Variants in LSAMP observed in about 807,000 individuals in gnomAD.
LSAMP encodes the protein limbic system associated membrane protein.
LSAMP carries 7 observed loss-of-function variants against 38.6 expected under a neutral mutation model. The ratio of observed to expected loss-of-function variants is 0.18; its 90% CI spans 0.10 to 0.34. The LOEUF (loss-of-function observed/expected upper bound fraction) is 0.34. Ranked by LOEUF, LSAMP falls within the 10% of genes least tolerant of loss-of-function variation. LSAMP has a pLI of 1.00. For missense variants in LSAMP, 313 were observed against 420.0 expected (o/e 0.75, Z 2.23); for synonymous variants, 154 against 166.8 (o/e 0.92, Z 0.59).
At chr3:116,414,953 T>A (rs571070557) in intron 1 of LSAMP, among the ~76,000 whole-genome samples, 1 of 152,194 alleles carries the variant, frequency 6.6e-6, no homozygotes, top group South Asian at 2.1e-4. Flanking sequence ...GCATGCTCCC[T>A]TAGTTTCTCC....
At chr3:116,239,122 G>C (rs2046499804) in intron 1 of LSAMP, among the ~76,000 whole-genome samples, 1 of 152,188 alleles carries the variant, frequency 6.6e-6, no homozygotes, top group South Asian at 2.1e-4. Context: ...CTAGAATAAA[G>C]AGAATCTGTT....
chr3:115,897,019 C>G (rs943879939), intron 3 of LSAMP, among the ~76,000 whole-genome samples: 2 of 152,008 alleles, frequency 1.3e-5, no homozygotes, highest in Admixed American at 1.3e-4. Flanking sequence ...AAATGCAGTC[C>G]TAGACATTTA....
chr3:116,235,018 T>C (rs1332894438), intron 1 of LSAMP, among the ~76,000 whole-genome samples: 1 of 104,180 alleles, frequency 9.6e-6, no homozygotes, highest in Non-Finnish European at 2.3e-5. Flanking sequence ...TTATGTAGCA[T>C]TATATTTCCA....
intron 1 of LSAMP, among the ~76,000 whole-genome samples, chr3:116,161,226 G>T (rs1222145225): frequency 6.6e-6 from 1 of 152,190 alleles, no homozygotes; most frequent in Admixed American, 6.5e-5. Flanking sequence ...GAGGAAGCAA[G>T]AGAAGCTATA....
At chr3:116,358,616 C>T (rs2048257821) in intron 1 of LSAMP, among the ~76,000 whole-genome samples, 1 of 152,032 alleles carries the variant, frequency 6.6e-6, no homozygotes, top group Admixed American at 6.6e-5. Context: ...ATAATAAAAT[C>T]CACCGATCGA....
At chr3:115,932,499 A>T (rs1937595990) in intron 3 of LSAMP, among the ~76,000 whole-genome samples, 1 of 152,258 alleles carries the variant, frequency 6.6e-6, no homozygotes, top group Admixed American at 6.5e-5. Flanking sequence ...GGGATAGGAT[A>T]GCAAGGTGGA....
At chr3:116,210,941 C>A (rs1196802726) in intron 1 of LSAMP, among the ~76,000 whole-genome samples, 5 of 151,564 alleles carry the variant, frequency 3.3e-5, no homozygotes, top group Admixed American at 3.3e-4. Flanking sequence ...CTATGTCTAT[C>A]AACAGATGAA....
chr3:116,283,213 A>G (rs2047149981), intron 1 of LSAMP, among the ~76,000 whole-genome samples: 1 of 129,860 alleles, frequency 7.7e-6, no homozygotes, highest in Non-Finnish European at 1.6e-5. Flanking sequence ...AATTTCAGAA[A>G]AAAAAGAAGA....
At chr3:116,399,449 G>C (rs768946802) in intron 1 of LSAMP, among the ~76,000 whole-genome samples, 2 of 152,134 alleles carry the variant, frequency 1.3e-5, no homozygotes, top group African/African-American at 2.4e-5. Flanking sequence ...TTAAGGAAGA[G>C]AGATGTTAAG....
intron 1 of LSAMP, among the ~76,000 whole-genome samples, chr3:116,142,801 C>T (rs996877647): frequency 1.1e-4 from 16 of 151,722 alleles, no homozygotes; most frequent in Non-Finnish European, 1.8e-4. Flanking sequence ...ACAACAAATT[C>T]GGGTGCTACT....
chr3:116,061,434 A>G (rs1941592882), intron 2 of LSAMP, among the ~76,000 whole-genome samples: 1 of 103,950 alleles, frequency 9.6e-6, no homozygotes, highest in African/African-American at 5.0e-5. Context: ...ATGCATGGGC[A>G]TGGTGATACA....
chr3:115,803,564 A>G lies in LSAMP; in HGVS notation c.*6753T>C, dbSNP rs1306992343. On this transcript the variant is annotated 3_prime_UTR_variant, in exon 7 of 7. Coordinates refer to ENST00000490035, the MANE Select transcript of LSAMP (RefSeq NM_002338.5). ...TTCACATTTGATTTTGGCCTTCACA[A>G]CAATTCATACTGTCTTCAACTCTGT... 4 of 152,166 alleles carry G rather than the reference A, an allele frequency of 2.6e-5. No homozygotes were observed. Among genetic ancestry groups the G allele is most frequent in the Non-Finnish European group, 4.4e-5 (3 of 68,032 alleles). The allele number at this position is 152,166 out of a possible 1,614,324, so 9.4% of individuals were successfully genotyped here. A position where few individuals can be genotyped will look rare whatever the true frequency, so the allele number is the denominator to read the frequency against.
At chr3:116,308,317 T>A (rs2047511682) in intron 1 of LSAMP, among the ~76,000 whole-genome samples, 1 of 152,028 alleles carries the variant, frequency 6.6e-6, no homozygotes, top group Non-Finnish European at 1.5e-5. Flanking sequence ...CCATAAGATA[T>A]GAATCAACAT....
chr3:115,927,008 T>C (rs1384868326), intron 3 of LSAMP, among the ~76,000 whole-genome samples: 3 of 152,206 alleles, frequency 2.0e-5, no homozygotes, highest in Non-Finnish European at 4.4e-5. Flanking sequence ...TGAAAAATAA[T>C]AAATGCTTAA....
chr3:115,928,969 G>GTTTTTTTTT (rs1033194537), intron 3 of LSAMP, among the ~76,000 whole-genome samples: 7 of 53,564 alleles, frequency 1.3e-4, no homozygotes, highest in African/African-American at 2.3e-4. Context: ...CAGGTTTTTT[G>GTTTTTTTTT]TTTGTTTTTT....
chr3:115,942,927 T>C (rs76644260), intron 3 of LSAMP, among the ~76,000 whole-genome samples: 2,978 of 152,254 alleles, frequency 0.02, 97 homozygotes, highest in African/African-American at 0.067. Context: ...ATCAGATCAA[T>C]TTTATAATGT....
chr3:116,135,528 AGAT>A (rs1240471126), intron 1 of LSAMP, among the ~76,000 whole-genome samples: 3 of 152,196 alleles, frequency 2.0e-5, no homozygotes, highest in Non-Finnish European at 2.9e-5. Flanking sequence ...GCCAAGTCAC[AGAT>A]GACAGAAACC....
chr3:115,848,752 A>T (rs973460507), intron 4 of LSAMP, among the ~76,000 whole-genome samples: 5 of 152,204 alleles, frequency 3.3e-5, no homozygotes, highest in African/African-American at 9.6e-5. Flanking sequence ...GTGAGAAGTG[A>T]CAATGTGAAC....
intron 6 of LSAMP, among the ~76,000 whole-genome samples, chr3:115,814,795 A>C (rs1303784985): frequency 6.6e-6 from 1 of 152,232 alleles, no homozygotes; most frequent in East Asian, 1.9e-4. Context: ...GTGACTGAAA[A>C]TAGAACAAAA....
Sources: allele counts gnomAD v4.1 joint callset (sites outside exome capture counted in the v4.1 genomes callset), GRCh38; gene constraint gnomAD v4.1.1; transcripts MANE v1.5; gene names NCBI Gene and HGNC (gene_info 2026-07-23, HGNC 2026-07-21).